The following MCM9 variants were observed in gnomAD, a reference collection of about 807,000 sequenced individuals.
MCM9 encodes the protein DNA helicase MCM9.
A neutral mutation model predicts 72.8 loss-of-function variants in MCM9; 55 were observed. The ratio of observed to expected loss-of-function variants is 0.76; its 90% CI spans 0.61 to 0.95. MCM9 has a LOEUF of 0.95. Among genes scored for constraint, MCM9 ranks in the 40% least tolerant of loss-of-function variants. MCM9 has a pLI of 0.00. For synonymous variants in MCM9, 480 were observed against 503.4 expected (o/e 0.95, Z 0.62); for missense variants, 1,279 against 1,377.0 (o/e 0.93, Z 1.13).
At chr6:118,930,714 C>T (rs937769689) in intron 3 of MCM9, among the ~76,000 whole-genome samples, 24 of 152,296 alleles carry the variant, frequency 1.6e-4, no homozygotes, top group South Asian at 6.2e-4. Context: ...TCTTCTCTTT[C>T]GCCACACTAT....
At position 118,903,288 on chromosome 6, in the gene MCM9, G is replaced by T. The variant is rs375834187; in HGVS notation, c.1150+8362C>A. On this transcript the variant is annotated intron_variant, in intron 8 of 13. Coordinates refer to ENST00000619706, the MANE Select transcript of MCM9 (RefSeq NM_017696.3). ...AAGTAATCTAACCCCTCTGTGCAGG[G>T]GTGTGTAGAATCTCTAAGACAAACA... Among the ~76,000 whole-genome samples the T allele has an allele frequency of 2.0e-4, 30 of 152,140 alleles. No homozygotes were observed. The East Asian group carries it at 5.6e-3, about 28-fold the overall frequency.
chr6:118,906,324 T>C (rs1780175487), intron 8 of MCM9, among the ~76,000 whole-genome samples: 1 of 152,088 alleles, frequency 6.6e-6, no homozygotes, highest in South Asian at 2.1e-4. Context: ...CTGCCTACCT[T>C]GACCTCCCAA....
chr6:118,849,065 G>A (rs1018512550), intron 9 of MCM9, among the ~76,000 whole-genome samples: 2 of 151,908 alleles, frequency 1.3e-5, no homozygotes, highest in Admixed American at 6.5e-5. Flanking sequence ...TTTTTCGATT[G>A]TTCATAAAGC....
Position 118,873,165 on chromosome 6 carries a change from G to A in MCM9, c.1151-16620C>T, listed in dbSNP as rs192561285. On this transcript the variant is annotated intron_variant, in intron 8 of 13. Transcript: ENST00000619706. ...CCAGCCTAGGTAACACAGTGAGACA[G>A]GAAGGGAAGAAGGGAGGGGAGGGGA... Among the ~76,000 whole-genome samples, 899 of 118,290 alleles carry A rather than the reference G, an allele frequency of 7.6e-3. 4 individuals are homozygous for A. Among genetic ancestry groups the A allele is most frequent in the Non-Finnish European group, 0.012 (701 of 59,432 alleles). The allele number at this position is 118,290 out of a possible 152,430, so 77.6% of individuals were successfully genotyped here. A position where few individuals can be genotyped will look rare whatever the true frequency, so the allele number is the denominator to read the frequency against.
At chr6:118,820,487 CTGTT>C (rs1773724634) in intron 13 of MCM9, among the ~76,000 whole-genome samples, 1 of 152,102 alleles carries the variant, frequency 6.6e-6, no homozygotes, top group African/African-American at 2.4e-5. Flanking sequence ...GTCTGAGAAA[CTGTT>C]TGTGATGATT....
chr6:118,823,091 C>T (rs1417507166), intron 13 of MCM9, among the ~76,000 whole-genome samples: 1 of 152,112 alleles, frequency 6.6e-6, no homozygotes, highest in African/African-American at 2.4e-5. Context: ...TCCCTGCCAT[C>T]AGCCCCCTTT....
intron 8 of MCM9, chr6:118,907,518 T>A (rs779525420): frequency 6.2e-7 from 1 of 1,613,674 alleles, no homozygotes; most frequent in South Asian, 1.1e-5. Flanking sequence ...TACAGTCACT[T>A]CTTTCAACAG....
chr6:118,832,695 G>A (rs951326058), intron 9 of MCM9, among the ~76,000 whole-genome samples: 1 of 152,140 alleles, frequency 6.6e-6, no homozygotes, highest in Middle Eastern at 3.2e-3. Context: ...CTAATAACTT[G>A]TGTAACCTAA....
intron 2 of MCM9, 119 bp from the exon 3 acceptor site, chr6:118,931,857 A>G (rs918742452): frequency 2.8e-6 from 2 of 714,510 alleles, no homozygotes; most frequent in Non-Finnish European, 4.5e-6. Flanking sequence ...TCACAAAATA[A>G]TATCTGAATT....
At chr6:118,882,576 G>A (rs1305759200) in intron 8 of MCM9, among the ~76,000 whole-genome samples, 1 of 152,118 alleles carries the variant, frequency 6.6e-6, no homozygotes, top group Non-Finnish European at 1.5e-5. Context: ...TATCCCCAGG[G>A]CATTGCCAAA....
intron 8 of MCM9, among the ~76,000 whole-genome samples, chr6:118,865,662 C>G (rs953717370): frequency 6.6e-6 from 1 of 152,190 alleles, no homozygotes; most frequent in Non-Finnish European, 1.5e-5. Flanking sequence ...CAGAGCTTGA[C>G]ACTTCATGAT....
At chr6:118,890,507 T>C (rs998932103) in intron 8 of MCM9, among the ~76,000 whole-genome samples, 1 of 152,222 alleles carries the variant, frequency 6.6e-6, no homozygotes, top group Non-Finnish European at 1.5e-5. Context: ...ATCTAACACT[T>C]TCTATTTCGC....
intron 8 of MCM9, among the ~76,000 whole-genome samples, chr6:118,893,677 T>C (rs1009612251): frequency 4.8e-4 from 73 of 152,226 alleles, no homozygotes; most frequent in Non-Finnish European, 7.9e-4. Context: ...TAACATGCAA[T>C]TTATTTCCCC....
chr6:118,887,998 A>G (rs1778704537), intron 8 of MCM9, among the ~76,000 whole-genome samples: 1 of 152,190 alleles, frequency 6.6e-6, no homozygotes, highest in Admixed American at 6.5e-5. Context: ...CACAGAAGAT[A>G]TACATAGGGC....
At chr6:118,917,974 AAGTC>A (rs1188703071) in intron 5 of MCM9, 2 of 555,836 alleles carry the variant, frequency 3.6e-6, no homozygotes, top group African/African-American at 3.8e-5. Flanking sequence ...TGAAAAGCTG[AAGTC>A]AGTATTTCCT....
At chr6:118,852,922 C>T (rs1562411026) in intron 9 of MCM9, among the ~76,000 whole-genome samples, 1 of 152,158 alleles carries the variant, frequency 6.6e-6, no homozygotes, top group African/African-American at 2.4e-5. Context: ...TCATCTTTCA[C>T]TTCACATAAG....
intron 8 of MCM9, among the ~76,000 whole-genome samples, chr6:118,883,981 TA>T (rs1027380935): frequency 6.6e-6 from 1 of 152,090 alleles, no homozygotes; most frequent in Admixed American, 6.5e-5. Flanking sequence ...AGCAATTGTA[TA>T]AAAAAGTATA....
intron 9 of MCM9, among the ~76,000 whole-genome samples, chr6:118,835,757 A>G (rs868168692): frequency 3.5e-4 from 54 of 152,244 alleles, no homozygotes; most frequent in African/African-American, 1.2e-3. Flanking sequence ...TGGGTGAGAC[A>G]ATGGGGTTTT....
intron 8 of MCM9, among the ~76,000 whole-genome samples, chr6:118,895,005 T>C (rs1387651735): frequency 1.3e-5 from 2 of 152,036 alleles, no homozygotes; most frequent in African/African-American, 2.4e-5. Flanking sequence ...CGGCGCCTCC[T>C]CTTGCCCCGC....
Sources: gnomAD v4.1 joint callset for allele counts (sites outside exome capture counted in the v4.1 genomes callset) on GRCh38, gnomAD v4.1.1 for gene constraint, MANE v1.5 for transcripts, NCBI Gene and HGNC (gene_info 2026-07-23, HGNC 2026-07-21) for gene names.